The following CA1 variants were observed in gnomAD, a reference collection of about 807,000 sequenced individuals.
The protein encoded by CA1 is carbonate dehydratase I.
CA1 carries 27 observed loss-of-function variants against 28.8 expected under a neutral mutation model. The ratio of observed to expected loss-of-function variants is 0.94; its 90% CI spans 0.69 to 1.29. The LOEUF is 1.29. CA1 is among the 50% of genes most tolerant of loss of function. The pLI is 0.00. For missense variants in CA1, 335 were observed against 310.5 expected (o/e 1.08, Z -0.59); for synonymous variants, 121 against 108.8 (o/e 1.11, Z -0.70).
intron 1 of CA1, among the ~76,000 whole-genome samples, chr8:85,375,239 T>C (rs977651653): frequency 2.0e-5 from 3 of 152,084 alleles, no homozygotes; most frequent in Non-Finnish European, 4.4e-5. Flanking sequence ...TGTAAAACAT[T>C]AGGACAAGGG....
intron 1 of CA1, among the ~76,000 whole-genome samples, chr8:85,354,181 G>T (rs1809519998): frequency 6.6e-6 from 1 of 151,208 alleles, no homozygotes; most frequent in Non-Finnish European, 1.5e-5. Context: ...CACCATGTTG[G>T]CCAGGCTGGT....
In CA1 at chr8:85,328,417, TTCTTA is replaced by T; in HGVS notation, c.*138_*142del. 1 of 550,582 alleles carries T rather than the reference TTCTTA, an allele frequency of 1.8e-6. No homozygotes were observed. Among genetic ancestry groups the T allele is most frequent in the East Asian group, 3.0e-5 (1 of 33,500 alleles). 34.1% of individuals were successfully genotyped at this position (550,582 alleles called of 1,614,324 possible). On this transcript the variant is annotated 3_prime_UTR_variant, in exon 8 of 8. Coordinates refer to ENST00000523022, the MANE Select transcript of CA1 (RefSeq NM_001128831.4). ...AAGCAGTAAGAACTAAAATTTAAGT[TTCTTA>T]GTTTTACAGATTGATTTGAAGGCAT...
chr8:85,368,408 T>TCTGC (rs1248555245), intron 1 of CA1, among the ~76,000 whole-genome samples: 2 of 152,060 alleles, frequency 1.3e-5, no homozygotes, highest in African/African-American at 4.8e-5. Context: ...GACCTCATGA[T>TCTGC]CTGCCCTTCT....
At position 85,338,335 on chromosome 8, in the gene CA1, G is replaced by A. The variant is rs753911884; in HGVS notation, c.152C>T (p.Ser51Phe). Residue 51 changes from serine to phenylalanine, a missense_variant, in exon 3 of 8, where the codon TCC (serine) becomes TTC (phenylalanine). Transcript: ENST00000523022. Reference protein sequence around the residue: ...HDTSLKPISVSYNPATAKEII... With the variant: ...HDTSLKPISVFYNPATAKEII... ...TTCTTTGGCTGTGGCTGGGTTGTAG[G>A]AGACACTAATAGGTTTCAGAGAGGT... 1.2e-6 allele frequency: 2 copies of A among 1,613,926 alleles called. No homozygotes were observed. The highest frequency in any genetic ancestry group is 8.5e-7 in the Non-Finnish European group (1 of 1,179,846).
chr8:85,377,810 A>G (rs1810474201), intron 1 of CA1, among the ~76,000 whole-genome samples: 1 of 152,200 alleles, frequency 6.6e-6, no homozygotes, highest in Admixed American at 6.5e-5. Flanking sequence ...CTCAAAAAAA[A>G]AAAAGGTAAT....
chr8:85,348,025 C>T (rs1352244648), intron 1 of CA1, among the ~76,000 whole-genome samples: 2 of 152,098 alleles, frequency 1.3e-5, no homozygotes, highest in African/African-American at 2.4e-5. Context: ...CAAACATTTC[C>T]AGGTAATATA....
chr8:85,365,282 C>T (rs1251347618), intron 1 of CA1, among the ~76,000 whole-genome samples: 2 of 152,176 alleles, frequency 1.3e-5, no homozygotes, highest in Non-Finnish European at 2.9e-5. Context: ...CGCTTCATTT[C>T]AGAACAACAT....
rs1384480551 is a variant in CA1 at position 85,338,314 on chromosome 8, T to C, written c.173A>G (p.Lys58Arg). ...GGAATGCCCCACATTGATAATTTCT[T>C]TGGCTGTGGCTGGGTTGTAGGAGAC... ...ISVSYNPATA[K>R]EIINVGHSFH... Residue 58 changes from lysine to arginine, a missense_variant, in exon 3 of 8, where the codon AAA (lysine) becomes AGA (arginine). Transcript: ENST00000523022. The C allele has an allele frequency of 6.8e-6, 11 of 1,613,932 alleles. No individual in the cohort carries two copies. The highest frequency in any genetic ancestry group is 1.3e-5 in the African/African-American group (1 of 74,930).
chr8:85,377,685 C>G (rs1370043473), intron 1 of CA1, among the ~76,000 whole-genome samples: 1 of 152,052 alleles, frequency 6.6e-6, no homozygotes, highest in Non-Finnish European at 1.5e-5. Context: ...TGCCTGTAAT[C>G]CCAGCTACTC....
chr8:85,344,159 GTATATTATATACTGTATATAA>G (rs1423404381), intron 1 of CA1, among the ~76,000 whole-genome samples: 1 of 122,270 alleles, frequency 8.2e-6, no homozygotes, highest in Non-Finnish European at 1.7e-5. Context: ...ATTATATACT[GTATATTATATACTGTATATAA>G]TATATAATTA....
chr8:85,370,828 A>G (rs991567124), intron 1 of CA1, among the ~76,000 whole-genome samples: 2 of 152,200 alleles, frequency 1.3e-5, no homozygotes, highest in African/African-American at 4.8e-5. Context: ...ATTTCTTCTT[A>G]TCAGATTAAG....
At chr8:85,370,906 AC>A (rs1810198586) in intron 1 of CA1, among the ~76,000 whole-genome samples, 1 of 152,198 alleles carries the variant, frequency 6.6e-6, no homozygotes, top group Non-Finnish European at 1.5e-5. Context: ...TGTTAAATTT[AC>A]ATTTGCATAC....
intron 1 of CA1, chr8:85,343,153 T>C (rs1808996028): frequency 6.6e-6 from 1 of 152,154 alleles, no homozygotes; most frequent in African/African-American, 2.4e-5. Context: ...ATCTGTGTTT[T>C]AGGCTGAGGT....
intron 1 of CA1, among the ~76,000 whole-genome samples, chr8:85,359,948 AC>A (rs1447617414): frequency 3.3e-5 from 5 of 152,206 alleles, no homozygotes; most frequent in Non-Finnish European, 7.3e-5. Flanking sequence ...CAATAAGGAG[AC>A]TAAAACCATG....
At chr8:85,362,725 A>G (rs1303410446) in intron 1 of CA1, among the ~76,000 whole-genome samples, 1 of 152,190 alleles carries the variant, frequency 6.6e-6, no homozygotes. Context: ...TTACTAAAGC[A>G]TATCATTCTC....
intron 1 of CA1, among the ~76,000 whole-genome samples, chr8:85,373,128 A>G (rs1810291160): frequency 6.6e-6 from 1 of 152,236 alleles, no homozygotes; most frequent in African/African-American, 2.4e-5. Flanking sequence ...GAGGAAAAAG[A>G]AATTCGTGCT....
intron 3 of CA1, 77 bp downstream of exon 3, chr8:85,338,175 A>G (rs1363293609): frequency 3.4e-6 from 4 of 1,177,422 alleles, no homozygotes; most frequent in Non-Finnish European, 3.8e-6. Context: ...AATGGGTGTC[A>G]TATTTCTCGA....
Position 85,337,066 on chromosome 8 carries a change from G to A in CA1, c.236-3C>T, listed in dbSNP as rs1390196742. The A allele has an allele frequency of 2.6e-6, 4 of 1,513,348 alleles. No homozygotes were observed. The highest frequency in any genetic ancestry group is 2.8e-6 in the Non-Finnish European group (3 of 1,088,434). The allele number at this position is 1,513,348 out of a possible 1,614,324, so 93.7% of individuals were successfully genotyped here. On this transcript the variant is annotated splice_polypyrimidine_tract_variant and splice_region_variant and intron_variant, in intron 3 of 7. Coordinates refer to ENST00000523022, the MANE Select transcript of CA1 (RefSeq NM_001128831.4). ...AGAGAAAGGACCACCTTTCAGCACT[G>A]GAAGAAAAGGGAACCGATTGTTAGC...
intron 1 of CA1, among the ~76,000 whole-genome samples, chr8:85,373,632 G>A (rs764461702): frequency 2.6e-5 from 4 of 152,092 alleles, no homozygotes; most frequent in African/African-American, 4.8e-5. Flanking sequence ...AGATGTGTTT[G>A]TATAAGGAAA....
Sources: allele counts gnomAD v4.1 joint callset (sites outside exome capture counted in the v4.1 genomes callset), GRCh38; gene constraint gnomAD v4.1.1; transcripts MANE v1.5; gene names NCBI Gene and HGNC (gene_info 2026-07-23, HGNC 2026-07-21).